Variants in FOXP1 observed in about 807,000 individuals in gnomAD.
FOXP1 encodes the protein forkhead box protein P1.
Under a neutral mutation model 98.2 loss-of-function variants are expected in FOXP1, and 15 were observed. The ratio of observed to expected loss-of-function variants is 0.15; its 90% confidence interval spans 0.10 to 0.24. The LOEUF (loss-of-function observed/expected upper bound fraction) is 0.24. Among genes scored for constraint, FOXP1 ranks in the 10% least tolerant of loss-of-function variants. The pLI is 1.00. For synonymous variants in FOXP1, 371 were observed against 314.5 expected (o/e 1.18, Z -1.90); for missense variants, 633 against 848.5 (o/e 0.75, Z 3.15).
intron 3 of FOXP1, among the ~76,000 whole-genome samples, chr3:71,387,549 C>G (rs6808224): frequency 0.013 from 2,000 of 152,334 alleles, 50 homozygotes; most frequent in African/African-American, 0.045. Flanking sequence ...GAAACCACTT[C>G]ACACCTGAAT....
chr3:71,557,678 A>G (rs1486573296), intron 2 of FOXP1, among the ~76,000 whole-genome samples: 4 of 152,248 alleles, frequency 2.6e-5, no homozygotes, highest in African/African-American at 9.6e-5. Flanking sequence ...CTGCTCTTCA[A>G]GTACTTTATT....
At chr3:71,300,794 C>T (rs1438005887) in intron 4 of FOXP1, among the ~76,000 whole-genome samples, 1 of 152,136 alleles carries the variant, frequency 6.6e-6, no homozygotes, top group East Asian at 1.9e-4. Context: ...CATCATTTTA[C>T]CAAAATGTTA....
Position 71,353,983 on chromosome 3 carries a change from G to A in FOXP1, c.-73+5167C>T, listed in dbSNP as rs144197590. Among the ~76,000 whole-genome samples the A allele has an allele frequency of 2.9e-3, 434 of 152,102 alleles. 7 individuals are homozygous for A. The highest frequency in any genetic ancestry group is 0.011 in the East Asian group (59 of 5,180). The stretch of plus-strand genomic sequence containing the variant: ...AGAAGTGATGTGAATTTTCAGGACC[G>A]ACACATCAAGTATATTTTTTTAAAA... On this transcript the variant is annotated intron_variant, in intron 4 of 20. Coordinates refer to ENST00000649528, the MANE Select transcript of FOXP1 (RefSeq NM_001349338.3).
intron 3 of FOXP1, among the ~76,000 whole-genome samples, chr3:71,364,571 C>T (rs1282314748): frequency 6.6e-6 from 1 of 152,154 alleles, no homozygotes; most frequent in Non-Finnish European, 1.5e-5. Context: ...ACAGAAAATA[C>T]ATGTTTTATT....
chr3:71,264,751 A>AT (rs1460149707), intron 5 of FOXP1, among the ~76,000 whole-genome samples: 1 of 152,210 alleles, frequency 6.6e-6, no homozygotes, highest in Non-Finnish European at 1.5e-5. Context: ...GAATTACGCG[A>AT]TTGATAACAG....
chr3:71,212,649 G>A (rs2064574644), intron 5 of FOXP1, among the ~76,000 whole-genome samples: 1 of 152,122 alleles, frequency 6.6e-6, no homozygotes, highest in Non-Finnish European at 1.5e-5. Context: ...TTAGTAGCAA[G>A]TAACTACTAT....
chr3:71,581,317 T>G (rs988407113), intron 2 of FOXP1: 1 of 985,230 alleles, frequency 1.0e-6, no homozygotes, highest in Non-Finnish European at 1.2e-6. Flanking sequence ...ACGCTAAACT[T>G]TGATCTCCAG....
chr3:71,329,566 C>T (rs1009862869), intron 4 of FOXP1, among the ~76,000 whole-genome samples: 93 of 139,940 alleles, frequency 6.6e-4, no homozygotes, highest in Non-Finnish European at 7.6e-4. Flanking sequence ...TGTCCCAGGG[C>T]ATCAGAGAGC....
chr3:71,466,812 T>C (rs1373198281), intron 3 of FOXP1, among the ~76,000 whole-genome samples: 1 of 152,198 alleles, frequency 6.6e-6, no homozygotes, highest in Non-Finnish European at 1.5e-5. Flanking sequence ...CTCCTTACCA[T>C]ATAGTTCTAC....
At chr3:70,964,892 G>T (rs1382747566) in intron 20 of FOXP1, among the ~76,000 whole-genome samples, 1 of 152,130 alleles carries the variant, frequency 6.6e-6, no homozygotes, top group African/African-American at 2.4e-5. Context: ...GTCATTAGAT[G>T]CCAATTCCAT....
chr3:71,449,097 G>A (rs1450793567), intron 3 of FOXP1, among the ~76,000 whole-genome samples: 1 of 152,126 alleles, frequency 6.6e-6, no homozygotes, highest in Non-Finnish European at 1.5e-5. Context: ...AATATTATAT[G>A]ATCATATTCA....
chr3:71,442,896 T>A (rs116146154), intron 3 of FOXP1, among the ~76,000 whole-genome samples: 2,019 of 149,796 alleles, frequency 0.013, 33 homozygotes, highest in African/African-American at 0.045. Flanking sequence ...ATTTTTTTTT[T>A]ATTTTTTTGA....
chr3:71,545,319 C>A (rs950443), intron 2 of FOXP1, among the ~76,000 whole-genome samples: 2,636 of 152,242 alleles, frequency 0.017, 106 homozygotes, highest in African/African-American at 0.06. Flanking sequence ...TGATATGTAA[C>A]AAAGCAGTGT....
rs373356258 is a variant in FOXP1 at position 71,319,956 on chromosome 3, T to C, written c.-72-20076A>G. Among the ~76,000 whole-genome samples the C allele has an allele frequency of 1.9e-4, 29 of 152,140 alleles. No individual in the cohort carries two copies. The South Asian group carries it at 5.0e-3, about 26-fold the overall frequency. On this transcript the variant is annotated intron_variant, in intron 4 of 20. Coordinates refer to ENST00000649528, the MANE Select transcript of FOXP1 (RefSeq NM_001349338.3). ...ACATCCAACAATGACATCCACTCCA[T>C]TCTCTTTCCTTCACCCTGACCAACA...
intron 12 of FOXP1, among the ~76,000 whole-genome samples, chr3:71,005,338 A>AAC (rs2042655849): frequency 2.7e-5 from 4 of 150,174 alleles, no homozygotes; most frequent in South Asian, 2.1e-4. Context: ...AAAAAAAAAA[A>AAC]AAACCAGAAT....
intron 5 of FOXP1, among the ~76,000 whole-genome samples, chr3:71,293,681 A>G (rs1223188532): frequency 6.6e-6 from 1 of 152,184 alleles, no homozygotes; most frequent in Non-Finnish European, 1.5e-5. Context: ...AATATTTAAG[A>G]AATTTTTTTT....
intron 5 of FOXP1, among the ~76,000 whole-genome samples, chr3:71,258,038 T>C (rs1157313148): frequency 1.3e-5 from 2 of 152,156 alleles, no homozygotes; most frequent in Non-Finnish European, 2.9e-5. Context: ...CTTAATAACA[T>C]CCACGGAGCG....
At chr3:71,269,103 T>G (rs935451910) in intron 5 of FOXP1, among the ~76,000 whole-genome samples, 7 of 150,152 alleles carry the variant, frequency 4.7e-5, no homozygotes, top group South Asian at 2.1e-4. Context: ...TTTTTGTTTT[T>G]TTTTTTTTTC....
At chr3:71,386,741 CAAAAAA>C (rs5850010) in intron 3 of FOXP1, among the ~76,000 whole-genome samples, 2 of 90,974 alleles carry the variant, frequency 2.2e-5, no homozygotes, top group Admixed American at 1.3e-4. Flanking sequence ...GATTCCGTCT[CAAAAAA>C]AAAAAAAAAA....
Sources: gnomAD v4.1 joint callset for allele counts (sites outside exome capture counted in the v4.1 genomes callset) on GRCh38, gnomAD v4.1.1 for gene constraint, MANE v1.5 for transcripts, NCBI Gene and HGNC (gene_info 2026-07-23, HGNC 2026-07-21) for gene names.